Variants in RCOR1 observed in about 807,000 individuals in gnomAD.
The protein encoded by RCOR1 is REST corepressor.
RCOR1 carries 12 observed loss-of-function variants against 64.0 expected under a neutral mutation model. That is an observed-to-expected ratio of 0.19 (90% confidence interval 0.12 to 0.30). RCOR1 has a LOEUF of 0.30. Ranked by LOEUF, RCOR1 falls within the 10% of genes least tolerant of loss-of-function variation. RCOR1 has a pLI of 1.00. For missense variants in RCOR1, 502 were observed against 621.2 expected, an observed-to-expected ratio of 0.81 and a Z score of 2.04; for synonymous variants, 279 against 227.2, an observed-to-expected ratio of 1.23 and a Z score of -2.05.
At chr14:102,634,121 C>A (rs935163098) in intron 2 of RCOR1, among the ~76,000 whole-genome samples, 3 of 152,080 alleles carry the variant, frequency 2.0e-5, no homozygotes, top group Non-Finnish European at 2.9e-5. Context: ...TGGCTTGATA[C>A]AATTCTCTGT....
At position 102,707,469 on chromosome 14, in the gene RCOR1, C is replaced by G. The variant is rs142321093; in HGVS notation, c.617C>G (p.Ala206Gly). 1.4e-5 allele frequency: 22 copies of G among 1,610,314 alleles called. No homozygotes were observed. Among genetic ancestry groups the G allele is most frequent in the South Asian group, 1.0e-4 (9 of 89,832 alleles). The change falls in exon 5 of 12, where the codon GCC (alanine) becomes GGC (glycine). Residue 206 changes from alanine (A) to glycine (G), a missense_variant. This residue lies in a region of RCOR1 where 260 missense variants were observed against 416.4 expected (regional missense o/e 0.62). Transcript: ENST00000262241. The stretch of plus-strand genomic sequence containing the variant: ...GAAGATAAAGTCTTATTTGAGCAAG[C>G]CTTTAGTTTTCATGGGAAAACTTTT... ...TVEDKVLFEQ[A>G]FSFHGKTFHR... is the part of the protein sequence containing the mutation.
rs896839503 is a variant in RCOR1, at chr14:102,679,484, C to CTT, written c.362-2400_362-2399dup. ...ATTCCATTTATTTCCCTTTTTTTTTCTTTTTTTTTTTTGAGACAGAATCTC... is the reference window on the plus strand; with the variant it reads ...ATTCCATTTATTTCCCTTTTTTTTTCTTTTTTTTTTTTTTGAGACAGAATCTC... On this transcript the variant is annotated intron_variant, in intron 2 of 11. Coordinates refer to ENST00000262241, the MANE Select transcript of RCOR1 (RefSeq NM_015156.4). Among the ~76,000 whole-genome samples, 95 of 138,856 alleles carry CTT rather than the reference C, an allele frequency of 6.8e-4. 1 individual carries two copies. The highest frequency in any genetic ancestry group is 3.7e-3 in the Middle Eastern group (1 of 272). The allele number at this position is 138,856 out of a possible 152,430, so 91.1% of individuals were successfully genotyped here. A position where few individuals can be genotyped will look rare whatever the true frequency, so the allele number is the denominator to read the frequency against.
At chr14:102,668,129 T>G (rs192129176) in intron 2 of RCOR1, among the ~76,000 whole-genome samples, 2 of 152,290 alleles carry the variant, frequency 1.3e-5, no homozygotes, top group Admixed American at 6.5e-5. Flanking sequence ...CAACTTTTGT[T>G]AAAATCTCTT....
chr14:102,634,640 A>ATATATATATG, intron 2 of RCOR1, among the ~76,000 whole-genome samples: 1 of 143,498 alleles, frequency 7.0e-6, no homozygotes, highest in Admixed American at 6.8e-5. Flanking sequence ...ATGTGTGTAT[A>ATATATATATG]TATATATATA....
At chr14:102,594,722 C>T (rs1281537890) in intron 2 of RCOR1, among the ~76,000 whole-genome samples, 1 of 151,594 alleles carries the variant, frequency 6.6e-6, no homozygotes, top group Non-Finnish European at 1.5e-5. Context: ...ACTAGGTGGC[C>T]AGGCTATATC....
chr14:102,721,682 T>C (rs1735656744), intron 10 of RCOR1: 1 of 253,186 alleles, frequency 3.9e-6, no homozygotes, highest in African/African-American at 2.2e-5. Context: ...GTGGATATCA[T>C]TTTAGCCAAA....
intron 2 of RCOR1, among the ~76,000 whole-genome samples, chr14:102,656,884 T>C (rs1241314019): frequency 6.6e-6 from 1 of 151,856 alleles, no homozygotes; most frequent in Non-Finnish European, 1.5e-5. Flanking sequence ...CAGGTGATTC[T>C]CTTGCCTCAG....
intron 2 of RCOR1, among the ~76,000 whole-genome samples, chr14:102,609,508 C>T (rs577022799): frequency 2.6e-5 from 4 of 152,048 alleles, no homozygotes; most frequent in Non-Finnish European, 2.9e-5. Context: ...GGTGCGATCT[C>T]GGCTCACTGC....
intron 2 of RCOR1, among the ~76,000 whole-genome samples, chr14:102,615,441 A>G (rs756503342): frequency 6.7e-6 from 1 of 148,412 alleles, no homozygotes; most frequent in Non-Finnish European, 1.5e-5. Flanking sequence ...CTTGGCCTGC[A>G]TAATTCTTTT....
chr14:102,681,215 A>G (rs534781344), intron 2 of RCOR1, among the ~76,000 whole-genome samples: 2 of 152,306 alleles, frequency 1.3e-5, no homozygotes, highest in East Asian at 3.9e-4. Flanking sequence ...ATTTAAAGGA[A>G]AAAAAGTGGC....
At chr14:102,616,393 C>T (rs1051539418) in intron 2 of RCOR1, among the ~76,000 whole-genome samples, 3 of 152,092 alleles carry the variant, frequency 2.0e-5, no homozygotes, top group Non-Finnish European at 4.4e-5. Flanking sequence ...TCTCAGCCTC[C>T]TGAGTAGGTG....
At chr14:102,715,455 C>A (rs1896051239) in intron 8 of RCOR1, among the ~76,000 whole-genome samples, 1 of 152,032 alleles carries the variant, frequency 6.6e-6, no homozygotes, top group African/African-American at 2.4e-5. Context: ...GATCTTGGCT[C>A]ACTGTAACCT....
At chr14:102,638,446 C>T (rs538500352) in intron 2 of RCOR1, among the ~76,000 whole-genome samples, 3 of 150,952 alleles carry the variant, frequency 2.0e-5, no homozygotes, top group East Asian at 3.9e-4. Context: ...GGTGTGATCT[C>T]GGCTCACTGC....
intron 3 of RCOR1, among the ~76,000 whole-genome samples, chr14:102,692,440 A>AC (rs1555466514): frequency 6.8e-6 from 1 of 146,244 alleles, no homozygotes; most frequent in Non-Finnish European, 1.5e-5. Flanking sequence ...GGAAAAAGTT[A>AC]ACACACACAC....
At chr14:102,682,617 A>T (rs1202000547) in intron 3 of RCOR1, among the ~76,000 whole-genome samples, 1 of 152,176 alleles carries the variant, frequency 6.6e-6, no homozygotes, top group East Asian at 1.9e-4. Context: ...GTGCCTTTTC[A>T]GATGGTTTTT....
At position 102,721,069 on chromosome 14, in the gene RCOR1, A is replaced by G. The variant is rs1896160453; in HGVS notation, c.1116A>G (p.Pro372=). 6 of 1,571,652 alleles carry G rather than the reference A, an allele frequency of 3.8e-6. No individual in the cohort carries two copies. The highest frequency in any genetic ancestry group is 1.4e-5 in the African/African-American group (1 of 73,416). ...LKEKLDGGIE[P]YRLPEVIQKC... is the part of the protein sequence containing the mutation. ...AAAAACTTGATGGTGGAATAGAACCATATCGACTTCCAGAGGTAGGATTAT... is the reference window on the plus strand; with the variant it reads ...AAAAACTTGATGGTGGAATAGAACCGTATCGACTTCCAGAGGTAGGATTAT... Residue 372 remains proline, a synonymous_variant, in exon 9 of 12, where the codon CCA becomes CCG. Transcript: ENST00000262241.
rs1567423307 is a variant in RCOR1, at chr14:102,653,954, TCTTTCTTTCTTTCTTTCTTTCTTTC to T, written c.362-27940_362-27916del. On this transcript the variant is annotated intron_variant, in intron 2 of 11. Transcript: ENST00000262241. ...TTCTTTCTTTCTTTCTTTCTTTCTT[TCTTTCTTTCTTTCTTTCTTTCTTTC>T]TTTCTTTTTTTTTTTTTTTTTTTTG... Among the ~76,000 whole-genome samples, 91 of 52,888 alleles carry T rather than the reference TCTTTCTTTCTTTCTTTCTTTCTTTC, an allele frequency of 1.7e-3. 2 individuals carry two copies. Among genetic ancestry groups the T allele is most frequent in the African/African-American group, 0.01 (78 of 7,646 alleles). The allele number at this position is 52,888 out of a possible 152,430, so 34.7% of individuals were successfully genotyped here. A position where few individuals can be genotyped will look rare whatever the true frequency, so the allele number is the denominator to read the frequency against.
intron 3 of RCOR1, 60 bp downstream of exon 3, chr14:102,682,038 C>T: frequency 2.6e-6 from 3 of 1,136,070 alleles, no homozygotes; most frequent in Non-Finnish European, 4.0e-6. Context: ...TTTAAAGGTA[C>T]CTTTGAAGGT....
At position 102,600,059 on chromosome 14, in the gene RCOR1, T is replaced by G. The variant is rs1396300476; in HGVS notation, c.361+6734T>G. Reference sequence around the variant, plus strand: ...TCACAGGCATGTGCCTGGCAATGCTTTGTGATTTATTTATTTAATTATTAT... The same window carrying G: ...TCACAGGCATGTGCCTGGCAATGCTGTGTGATTTATTTATTTAATTATTAT... On this transcript the variant is annotated intron_variant, in intron 2 of 11. Transcript: ENST00000262241. Among the ~76,000 whole-genome samples the G allele has an allele frequency of 4.0e-5, 6 of 149,656 alleles. No homozygotes were observed. In the East Asian group the frequency reaches 1.2e-3, roughly 30 times the overall value.
Sources: gnomAD v4.1 joint callset for allele counts (sites outside exome capture counted in the v4.1 genomes callset) on GRCh38, gnomAD v4.1.1 for gene constraint, gnomAD v4.1.1 regional missense constraint, MANE v1.5 for transcripts, NCBI Gene and HGNC (gene_info 2026-07-23, HGNC 2026-07-21) for gene names.